Variants in LRRC4C observed in about 807,000 individuals in gnomAD.
The protein encoded by LRRC4C is leucine-rich repeat-containing protein 4C.
LRRC4C carries 5 observed loss-of-function variants against 33.6 expected under a neutral mutation model. That is an observed-to-expected ratio of 0.15 (90% confidence interval 0.08 to 0.31). LRRC4C has a LOEUF of 0.31. Ranked by LOEUF, LRRC4C falls within the 10% of genes least tolerant of loss-of-function variation. The pLI, the probability that LRRC4C is intolerant of heterozygous loss-of-function variation, is 1.00. For synonymous variants in LRRC4C, 329 were observed against 302.0 expected (o/e 1.09, Z -0.93); for missense variants, 560 against 796.7 (o/e 0.70, Z 3.58).
At chr11:41,298,154 C>G (rs1228914416) in intron 1 of LRRC4C, among the ~76,000 whole-genome samples, 1 of 152,178 alleles carries the variant, frequency 6.6e-6, no homozygotes, top group Non-Finnish European at 1.5e-5. Context: ...TCCCATCTTC[C>G]TGCTCAGCAG....
chr11:40,589,378 C>T (rs1166787064), intron 3 of LRRC4C, among the ~76,000 whole-genome samples: 53 of 152,044 alleles, frequency 3.5e-4, no homozygotes, highest in African/African-American at 1.1e-3. Flanking sequence ...TGTCTCTGCA[C>T]GTGAGATGGG....
intron 2 of LRRC4C, among the ~76,000 whole-genome samples, chr11:40,668,976 T>A (rs1462223898): frequency 6.6e-6 from 1 of 152,220 alleles, no homozygotes; most frequent in African/African-American, 2.4e-5. Context: ...TTTGATGTTC[T>A]AACCTCTATA....
chr11:40,608,128 AAAAT>A (rs138154816), intron 3 of LRRC4C, among the ~76,000 whole-genome samples: 2,653 of 152,308 alleles, frequency 0.017, 73 homozygotes, highest in African/African-American at 0.061. Flanking sequence ...TGAAGGTGTA[AAAAT>A]AACTTTTAAT....
At chr11:41,457,677 C>G (rs915649050) in intron 1 of LRRC4C, among the ~76,000 whole-genome samples, 1 of 151,980 alleles carries the variant, frequency 6.6e-6, no homozygotes, top group Non-Finnish European at 1.5e-5. Flanking sequence ...CTGGACATTA[C>G]GGGTAACAGA....
chr11:41,280,932 A>G (rs1222480451), intron 1 of LRRC4C, among the ~76,000 whole-genome samples: 2 of 152,206 alleles, frequency 1.3e-5, no homozygotes, highest in Non-Finnish European at 2.9e-5. Flanking sequence ...GGTCTGAGGT[A>G]CACTCTCGTC....
chr11:40,957,112 T>C (rs1368885206), intron 1 of LRRC4C, among the ~76,000 whole-genome samples: 1 of 151,816 alleles, frequency 6.6e-6, no homozygotes, highest in African/African-American at 2.4e-5. Context: ...GACTCAACCA[T>C]GTTCTGACAC....
chr11:40,616,929 A>C (rs1382261189), intron 3 of LRRC4C, among the ~76,000 whole-genome samples: 1 of 151,808 alleles, frequency 6.6e-6, no homozygotes, highest in Non-Finnish European at 1.5e-5. Context: ...CTGCCAAAAA[A>C]AAAAGAAAGA....
chr11:40,578,055 C>T (rs1958279065), intron 3 of LRRC4C, among the ~76,000 whole-genome samples: 1 of 146,682 alleles, frequency 6.8e-6, no homozygotes, highest in African/African-American at 2.5e-5. Flanking sequence ...AGGATGGTCT[C>T]AATCTCCTGA....
intron 1 of LRRC4C, among the ~76,000 whole-genome samples, chr11:41,420,002 G>A (rs1196293745): frequency 6.6e-6 from 1 of 151,846 alleles, no homozygotes; most frequent in Non-Finnish European, 1.5e-5. Context: ...TGGGAGGTCA[G>A]TAATACCGCA....
intron 2 of LRRC4C, among the ~76,000 whole-genome samples, chr11:40,719,444 T>C (rs1439710091): frequency 6.6e-6 from 1 of 152,212 alleles, no homozygotes; most frequent in East Asian, 1.9e-4. Flanking sequence ...AAACTTTTAC[T>C]GCCGTTAGAT....
intron 2 of LRRC4C, among the ~76,000 whole-genome samples, chr11:40,703,158 T>C (rs948326904): frequency 1.3e-5 from 2 of 152,122 alleles, no homozygotes; most frequent in Non-Finnish European, 1.5e-5. Context: ...GAAGGCGCTA[T>C]TAGTACCTAG....
chr11:41,443,675 G>A (rs1955727960), intron 1 of LRRC4C, among the ~76,000 whole-genome samples: 1 of 149,952 alleles, frequency 6.7e-6, no homozygotes, highest in South Asian at 2.1e-4. Flanking sequence ...GAGTGCAATG[G>A]TGCAATCTCA....
intron 1 of LRRC4C, among the ~76,000 whole-genome samples, chr11:41,079,776 T>C (rs1050558295): frequency 2.0e-5 from 3 of 152,192 alleles, no homozygotes; most frequent in African/African-American, 7.2e-5. Context: ...TATGAGGATT[T>C]TTTTTGTGAT....
intron 1 of LRRC4C, among the ~76,000 whole-genome samples, chr11:40,942,326 C>T (rs1033056466): frequency 1.3e-5 from 2 of 152,128 alleles, no homozygotes; most frequent in African/African-American, 4.8e-5. Flanking sequence ...ATAATCCCAG[C>T]AAGAGGACAA....
At chr11:41,317,391 T>G (rs1213068309) in intron 1 of LRRC4C, among the ~76,000 whole-genome samples, 1 of 152,200 alleles carries the variant, frequency 6.6e-6, no homozygotes, top group African/African-American at 2.4e-5. Context: ...TTCTTTTCTA[T>G]TCCCATAATA....
intron 1 of LRRC4C, among the ~76,000 whole-genome samples, chr11:41,165,013 C>T (rs905407664): frequency 3.9e-5 from 6 of 152,080 alleles, no homozygotes; most frequent in South Asian, 2.1e-4. Flanking sequence ...CAAGTAGCAG[C>T]GCAAATGCTA....
chr11:40,864,962 C>G (rs1244519542), intron 2 of LRRC4C, among the ~76,000 whole-genome samples: 1 of 152,090 alleles, frequency 6.6e-6, no homozygotes, highest in African/African-American at 2.4e-5. Flanking sequence ...AACAGATGAT[C>G]AAACCATAAC....
intron 3 of LRRC4C, among the ~76,000 whole-genome samples, chr11:40,591,026 G>A (rs1286373156): frequency 6.6e-6 from 1 of 152,154 alleles, no homozygotes; most frequent in Non-Finnish European, 1.5e-5. Context: ...CTTCCTGGCT[G>A]CTTTGTTTAC....
At chr11:41,134,175 C>T (rs112118654) in intron 1 of LRRC4C, among the ~76,000 whole-genome samples, 7 of 152,258 alleles carry the variant, frequency 4.6e-5, no homozygotes, top group African/African-American at 1.7e-4. Flanking sequence ...CAGCTCACTG[C>T]AGCTTTGAAA....
Sources: allele counts gnomAD v4.1 joint callset (sites outside exome capture counted in the v4.1 genomes callset), GRCh38; gene constraint gnomAD v4.1.1; transcripts MANE v1.5; gene names NCBI Gene and HGNC (gene_info 2026-07-23, HGNC 2026-07-21).